PRICKLE1: variants seen among roughly 807,000 people sequenced by gnomAD.
The protein encoded by PRICKLE1 is prickle-like protein 1.
PRICKLE1 carries 14 observed loss-of-function variants against 70.2 expected under a neutral mutation model. That is an observed-to-expected ratio of 0.20 (90% CI 0.13 to 0.31). PRICKLE1 has a LOEUF of 0.31. PRICKLE1 is among the 10% of genes least tolerant of loss of function. The pLI is 1.00. For missense variants in PRICKLE1, 821 were observed against 1,026.2 expected (o/e 0.80, Z 2.73); for synonymous variants, 357 against 379.9 (o/e 0.94, Z 0.70).
At chr12:42,483,367 G>A (rs1039059058) in intron 1 of PRICKLE1, 1 of 148,896 alleles carries the variant, frequency 6.7e-6, no homozygotes, top group Non-Finnish European at 1.5e-5. Context: ...CCCAGACAGC[G>A]GCTCCCACCT....
At position 42,462,274 on chromosome 12, in the gene PRICKLE1, C is replaced by CA. The variant is rs1937876718; in HGVS notation, c.1640-1610dup. Among the ~76,000 whole-genome samples the CA allele has an allele frequency of 2.0e-5, 3 of 152,028 alleles. No individual in the cohort carries two copies. In the South Asian group the frequency reaches 6.2e-4, roughly 32 times the overall value. On this transcript the variant is annotated intron_variant, in intron 7 of 7. Transcript: ENST00000345127. ...GGAGTGCAGTGGTATGATCTCGGCT[C>CA]ACTGCAACCTCCGCCTCCCAGGTTC...
intron 2 of PRICKLE1, 148 bp from the exon 3 acceptor site, chr12:42,470,507 A>C: frequency 1.5e-6 from 1 of 680,838 alleles, no homozygotes. Context: ...GCAGAACTGC[A>C]AACCTTCAGA....
intron 1 of PRICKLE1, among the ~76,000 whole-genome samples, chr12:42,518,099 G>A (rs1248717038): frequency 7.1e-6 from 1 of 140,144 alleles, no homozygotes; most frequent in Non-Finnish European, 1.6e-5. Flanking sequence ...AGAAGTTTCT[G>A]AGGATTTTTT....
chr12:42,554,915 T>C (rs1439865200), intron 1 of PRICKLE1, among the ~76,000 whole-genome samples: 1 of 151,358 alleles, frequency 6.6e-6, no homozygotes, highest in Non-Finnish European at 1.5e-5. Context: ...AGTACCTCAC[T>C]AGGTAGTGCA....
chr12:42,521,432 G>A (rs1216397946), intron 1 of PRICKLE1, among the ~76,000 whole-genome samples: 1 of 152,140 alleles, frequency 6.6e-6, no homozygotes, highest in Admixed American at 6.6e-5. Context: ...TACTGCAGTG[G>A]CTCATACCTG....
Position 42,536,209 on chromosome 12 carries a change from G to C in PRICKLE1, c.-49+53256C>G, listed in dbSNP as rs541500941. Among the ~76,000 whole-genome samples, 21 of 152,282 alleles carry C rather than the reference G, an allele frequency of 1.4e-4. No individual in the cohort carries two copies. In the South Asian group the frequency reaches 2.5e-3, roughly 18 times the overall value. ...TATGGGCAGAAAGACTTAGACACTG[G>C]AACTGAGGGACTCCAAGGGGACTTT... On this transcript the variant is annotated intron_variant, in intron 1 of 7. Transcript: ENST00000345127.
intron 1 of PRICKLE1, 41 bp from the exon 2 acceptor site, chr12:42,472,605 G>A (rs1938370703): frequency 1.3e-6 from 2 of 1,531,068 alleles, no homozygotes; most frequent in Admixed American, 1.7e-5. Context: ...TCTAAAACCT[G>A]AATGCATTTC....
At chr12:42,575,473 T>C (rs1056145196) in intron 1 of PRICKLE1, among the ~76,000 whole-genome samples, 27 of 152,222 alleles carry the variant, frequency 1.8e-4, no homozygotes, top group Non-Finnish European at 3.5e-4. Flanking sequence ...GGCAGGCAGA[T>C]CACCTGAGGT....
At chr12:42,508,349 A>C (rs778510466) in intron 1 of PRICKLE1, among the ~76,000 whole-genome samples, 1 of 152,204 alleles carries the variant, frequency 6.6e-6, no homozygotes, top group Non-Finnish European at 1.5e-5. Flanking sequence ...TTTTTGGCTT[A>C]AAATTCAAGT....
intron 1 of PRICKLE1, among the ~76,000 whole-genome samples, chr12:42,503,182 A>C (rs1939345787): frequency 1.3e-5 from 2 of 152,366 alleles, no homozygotes; most frequent in Middle Eastern, 6.8e-3. Context: ...CTGTGAAATC[A>C]ACACTTGTGC....
At chr12:42,581,338 T>TA (rs112100551) in intron 1 of PRICKLE1, among the ~76,000 whole-genome samples, 2,489 of 151,404 alleles carry the variant, frequency 0.016, 54 homozygotes, top group East Asian at 0.067. Flanking sequence ...AAAAAACTGT[T>TA]AAAAAAAAAC....
intron 1 of PRICKLE1, among the ~76,000 whole-genome samples, chr12:42,501,266 A>G (rs1624378): frequency 0.17 from 26,404 of 152,028 alleles, 3,042 homozygotes; most frequent in African/African-American, 0.31. Flanking sequence ...GCACTTTGGG[A>G]GGATGAGGCA....
chr12:42,551,294 G>A lies in PRICKLE1; in HGVS notation c.-49+38171C>T, dbSNP rs567424921. Among the ~76,000 whole-genome samples the A allele has an allele frequency of 2.1e-4, 32 of 152,322 alleles. No individual in the cohort carries two copies. The East Asian group carries it at 6.0e-3, about 28-fold the overall frequency. ...GATCATGAGAAAAAATAAAGATGGA[G>A]AAATAAATGTCTACTGTGAACCACA... is the stretch of plus-strand genomic sequence containing the variant. On this transcript the variant is annotated intron_variant, in intron 1 of 7. Transcript: ENST00000345127.
intron 1 of PRICKLE1, among the ~76,000 whole-genome samples, chr12:42,511,998 T>C (rs899344326): frequency 3.3e-5 from 5 of 152,176 alleles, no homozygotes; most frequent in Non-Finnish European, 7.3e-5. Flanking sequence ...TGACTCCCCT[T>C]ACACCATCAT....
chr12:42,468,362 C>G (rs1244623466), intron 5 of PRICKLE1, among the ~76,000 whole-genome samples: 1 of 152,142 alleles, frequency 6.6e-6, no homozygotes, highest in Non-Finnish European at 1.5e-5. Context: ...TAATACTTAT[C>G]AAAGTACAAA....
In PRICKLE1 at chr12:42,575,362, T is replaced by A. The variant is rs1940786664; in HGVS notation, c.-49+14103A>T. Among the ~76,000 whole-genome samples, 4 of 152,180 alleles carry A rather than the reference T, an allele frequency of 2.6e-5. No homozygotes were observed. The South Asian group carries it at 8.3e-4, about 32-fold the overall frequency. ...ACTGATTTACAAAGGTGGCAATCAG[T>A]CCCTAAGAGTACAGTTAATCTTATA... is the stretch of plus-strand genomic sequence containing the variant. On this transcript the variant is annotated intron_variant, in intron 1 of 7. Transcript: ENST00000345127.
chr12:42,459,122 G>A lies in PRICKLE1; in HGVS notation c.*687C>T, dbSNP rs1374609915. On this transcript the variant is annotated 3_prime_UTR_variant, in exon 8 of 8. Transcript: ENST00000345127. ...ATCTAGCACTGCAGCGTAACAAACG[G>A]CTTACAATTCAGGGATATAAAAATA... The A allele has an allele frequency of 2.1e-5, 11 of 516,712 alleles. No individual in the cohort carries two copies. Among genetic ancestry groups the A allele is most frequent in the Non-Finnish European group, 2.8e-5 (8 of 289,796 alleles). The allele number at this position is 516,712 out of a possible 1,614,324, so 32.0% of individuals were successfully genotyped here.
At chr12:42,536,261 A>C (rs372236739) in intron 1 of PRICKLE1, among the ~76,000 whole-genome samples, 1 of 152,218 alleles carries the variant, frequency 6.6e-6, no homozygotes, top group African/African-American at 2.4e-5. Context: ...TGAAGATGCT[A>C]AAGAAAGAAA....
chr12:42,472,480 C>T lies in PRICKLE1; in HGVS notation c.37G>A (p.Ala13Thr), dbSNP rs770828628. ...GTGGAACTTCTCTGACAGCCAAAGG[C>T]CAGTTTGCTCATCTTGGGCTCCATC... ...LEMEPKMSKL[A>T]FGCQRSSTSD... The change falls in exon 2 of 8, where the codon GCC becomes ACC. Residue 13 changes from alanine to threonine, a missense_variant. Physicochemically the swap from Ala to Thr is moderately conservative, Grantham distance 58. Coordinates refer to ENST00000345127, the MANE Select transcript of PRICKLE1 (RefSeq NM_153026.3). 2 of 1,614,154 alleles carry T rather than the reference C, an allele frequency of 1.2e-6. No individual in the cohort carries two copies. Among genetic ancestry groups the T allele is most frequent in the Admixed American group, 1.7e-5 (1 of 60,018 alleles).
Sources: gnomAD v4.1 joint callset for allele counts (sites outside exome capture counted in the v4.1 genomes callset) on GRCh38, gnomAD v4.1.1 for gene constraint, MANE v1.5 for transcripts, NCBI Gene and HGNC (gene_info 2026-07-23, HGNC 2026-07-21) for gene names.